NACC2: variants seen among roughly 807,000 people sequenced by gnomAD.
NACC2 encodes the protein NACC family member 2.
Under a neutral mutation model 25.1 loss-of-function variants are expected in NACC2, and 8 were observed. That is an observed-to-expected ratio of 0.32 (90% CI 0.19 to 0.57). The LOEUF (loss-of-function observed/expected upper bound fraction) is 0.57, where lower values mean the gene tolerates loss of function less well. Among genes scored for constraint, NACC2 ranks in the 20% least tolerant of loss-of-function variants. The probability of loss-of-function intolerance (pLI) is 0.89; values close to 1 mark genes in which losing one functional copy is unlikely to be tolerated. For missense variants in NACC2, 644 were observed against 650.2 expected, an observed-to-expected ratio of 0.99 and a Z score of 0.10; for synonymous variants, 435 against 294.7, an observed-to-expected ratio of 1.48 and a Z score of -4.88.
At chr9:136,037,158 T>G (rs1840566100) in intron 2 of NACC2, among the ~76,000 whole-genome samples, 1 of 152,204 alleles carries the variant, frequency 6.6e-6, no homozygotes, top group East Asian at 1.9e-4. Flanking sequence ...GACAATAAAT[T>G]ACACAAGGAA....
intron 1 of NACC2, 119 bp from the exon 2 acceptor site, chr9:136,050,699 C>T (rs1840817126): frequency 4.8e-6 from 3 of 619,984 alleles, no homozygotes; most frequent in Admixed American, 2.6e-5. Context: ...CTTCCGCACG[C>T]GCCCTCCCCC....
In NACC2 at chr9:136,016,335, C is replaced by T. The variant is rs1223147894; in HGVS notation, c.981G>A (p.Gln327=). Residue 327 remains glutamine, a synonymous_variant, in exon 3 of 6, where the codon CAG becomes CAA. Transcript: ENST00000277554. ...LVALPASLIS[Q]IGYRCHPKLY... Reference sequence around the variant, plus strand: ...GCTTGGGATGGCAGCGGTATCCGATCTGGCTGATGAGGCTGGCAGGTAGGG... The same window carrying T: ...GCTTGGGATGGCAGCGGTATCCGATTTGGCTGATGAGGCTGGCAGGTAGGG... 1 of 1,612,528 alleles carries T rather than the reference C, an allele frequency of 6.2e-7. No individual in the cohort carries two copies. Among genetic ancestry groups the T allele is most frequent in the Non-Finnish European group, 8.5e-7 (1 of 1,180,020 alleles).
At chr9:136,042,765 CAG>C (rs1372515189) in intron 2 of NACC2, among the ~76,000 whole-genome samples, 1 of 149,196 alleles carries the variant, frequency 6.7e-6, no homozygotes, top group African/African-American at 2.5e-5. Context: ...GACACACACA[CAG>C]AGACACACAG....
intron 2 of NACC2, among the ~76,000 whole-genome samples, chr9:136,039,494 G>A (rs1268655377): frequency 1.3e-5 from 2 of 152,166 alleles, no homozygotes; most frequent in Non-Finnish European, 2.9e-5. Flanking sequence ...CCAGCATAAT[G>A]TGGATACCAA....
chr9:136,054,778 A>G (rs1255420351), intron 1 of NACC2, among the ~76,000 whole-genome samples: 1 of 151,932 alleles, frequency 6.6e-6, no homozygotes, highest in Non-Finnish European at 1.5e-5. Context: ...TCATTCACTT[A>G]TGGAAAGTTC....
intron 1 of NACC2, among the ~76,000 whole-genome samples, chr9:136,068,365 G>A (rs1473416091): frequency 6.6e-6 from 1 of 151,404 alleles, no homozygotes; most frequent in African/African-American, 2.4e-5. Flanking sequence ...TGGGCATAGT[G>A]GTGTGTGCCT....
At chr9:136,023,076 GA>G (rs1840318927) in intron 2 of NACC2, among the ~76,000 whole-genome samples, 3 of 51,886 alleles carry the variant, frequency 5.8e-5, no homozygotes, top group Non-Finnish European at 1.1e-4. Flanking sequence ...AAGAGGGAGG[GA>G]GGAGGGAGGG....
rs1281288346 is a variant in NACC2, at chr9:136,018,127, C to T, written c.887-1698G>A. Among the ~76,000 whole-genome samples, 1 of 152,158 alleles carries T rather than the reference C, an allele frequency of 6.6e-6. No homozygotes were observed. Among genetic ancestry groups the T allele is most frequent in the Non-Finnish European group, 1.5e-5 (1 of 68,004 alleles). ...CGGGGCAGGCAGCTCCATGCAGAGC[C>T]CACCTGCGGCCGCACCGCACCAGGA... On this transcript the variant is annotated intron_variant, in intron 2 of 5. Coordinates refer to ENST00000277554, the MANE Select transcript of NACC2 (RefSeq NM_144653.5). The surrounding 1 kb of genome is among the most constrained non-coding windows in gnomAD (Gnocchi z 4.4).
At position 136,012,044 on chromosome 9, in the gene NACC2, T is replaced by C; in HGVS notation, c.1256-20A>G. The C allele has an allele frequency of 6.6e-7, 1 of 1,509,134 alleles. No individual in the cohort carries two copies. The highest frequency in any genetic ancestry group is 2.5e-5 in the East Asian group (1 of 39,842). 93.5% of individuals were successfully genotyped at this position (1,509,134 alleles called of 1,614,324 possible). ...AGTACACTGTGAGGACGGGGCGGCG[T>C]GAGCTCAGCCACCTGCCTGCCGGGA... On this transcript the variant is annotated intron_variant, in intron 5 of 5. Transcript: ENST00000277554.
chr9:136,050,606 C>A lies in NACC2; in HGVS notation c.-59-26G>T. On this transcript the variant is annotated intron_variant, in intron 1 of 5. Transcript: ENST00000277554. ...CTGTGGGGGGCAGGAGGCACGTGGT[C>A]AGTTCCTCCAGGTCACGGGCTCCCC... is the stretch of plus-strand genomic sequence containing the variant. 4.3e-6 allele frequency: 3 copies of A among 699,154 alleles called. No homozygotes were observed. In the South Asian group the frequency reaches 4.5e-5, roughly 10 times the overall value. 43.3% of individuals were successfully genotyped at this position (699,154 alleles called of 1,614,324 possible).
In NACC2 at chr9:136,006,906, ATTTT is replaced by A. The variant is rs375488431; in HGVS notation, c.*4606_*4609del. ...CTTCCTTTACAGCACAGGAAAATTT[ATTTT>A]TTAACAGTCGTGAGTTACAGTACTT... On this transcript the variant is annotated 3_prime_UTR_variant, in exon 6 of 6. Coordinates refer to ENST00000277554, the MANE Select transcript of NACC2 (RefSeq NM_144653.5). 6.6e-6 allele frequency: 1 copy of A among 152,376 alleles called. No homozygotes were observed. Among genetic ancestry groups the A allele is most frequent in the Non-Finnish European group, 1.5e-5 (1 of 68,182 alleles). The allele number at this position is 152,376 out of a possible 1,614,324, so 9.4% of individuals were successfully genotyped here. A position where few individuals can be genotyped will look rare whatever the true frequency, so the allele number is the denominator to read the frequency against.
chr9:136,068,846 T>C (rs900311685), intron 1 of NACC2, among the ~76,000 whole-genome samples: 2 of 150,426 alleles, frequency 1.3e-5, no homozygotes, highest in Admixed American at 6.6e-5. Context: ...AGACAAGGCC[T>C]CAGTACATCA....
At position 136,072,526 on chromosome 9, in the gene NACC2, C is replaced by T. The variant is rs539961069; in HGVS notation, c.-59-21946G>A. On this transcript the variant is annotated intron_variant, in intron 1 of 5. Transcript: ENST00000277554. ...CACCACTGCAATCCAGCCTGCACAA[C>T]AGGGCAAGACTCTGTCTCAAAAAAG... Among the ~76,000 whole-genome samples, 78 of 152,050 alleles carry T rather than the reference C, an allele frequency of 5.1e-4. 1 individual carries two copies. The South Asian group carries it at 5.2e-3, about 10-fold the overall frequency.
chr9:136,056,132 G>C (rs116282806), intron 1 of NACC2, among the ~76,000 whole-genome samples: 1 of 152,196 alleles, frequency 6.6e-6, no homozygotes, highest in East Asian at 1.9e-4. Context: ...GTTAACCCTG[G>C]GGGGTAGAGG....
intron 2 of NACC2, among the ~76,000 whole-genome samples, chr9:136,024,249 G>GGTGA: frequency 1.5e-4 from 2 of 12,996 alleles, no homozygotes; most frequent in South Asian, 1.9e-3. Context: ...GAGGACAGAG[G>GGTGA]GTGTGTGTGA....
intron 1 of NACC2, among the ~76,000 whole-genome samples, chr9:136,058,313 C>T (rs1840957380): frequency 6.6e-6 from 1 of 152,266 alleles, no homozygotes; most frequent in African/African-American, 2.4e-5. Context: ...CCTGCCCCAC[C>T]CCATCCTGCC....
intron 2 of NACC2, among the ~76,000 whole-genome samples, chr9:136,034,919 C>A (rs1028018670): frequency 7.9e-5 from 12 of 152,072 alleles, no homozygotes; most frequent in Admixed American, 2.6e-4. Flanking sequence ...CATGCTGAAA[C>A]CCCATCTCTA....
intron 2 of NACC2, among the ~76,000 whole-genome samples, chr9:136,031,458 C>T (rs1840471557): frequency 2.6e-5 from 4 of 152,184 alleles, no homozygotes; most frequent in African/African-American, 9.7e-5. Flanking sequence ...GTGCTTCAGC[C>T]TCCCGAGCAG....
At chr9:136,050,995 A>T (rs554456491) in intron 1 of NACC2, among the ~76,000 whole-genome samples, 1 of 152,276 alleles carries the variant, frequency 6.6e-6, no homozygotes, top group East Asian at 1.9e-4. Flanking sequence ...CAGCCCGCAC[A>T]GGAGCTCCCG....
Sources: allele counts gnomAD v4.1 joint callset (sites outside exome capture counted in the v4.1 genomes callset), GRCh38; gene constraint gnomAD v4.1.1; non-coding constraint Gnocchi (gnomAD v3.1); transcripts MANE v1.5; gene names NCBI Gene and HGNC (gene_info 2026-07-23, HGNC 2026-07-21).